Variants in BICRAL observed in about 807,000 individuals in gnomAD.
BICRAL encodes the protein BRD4-interacting chromatin-remodeling complex-associated protein-like.
Under a neutral mutation model 91.8 loss-of-function variants are expected in BICRAL, and 8 were observed. The observed-to-expected ratio is 0.09, with a 90% CI of 0.05 to 0.16. The LOEUF (loss-of-function observed/expected upper bound fraction) is 0.16. BICRAL is among the 10% of genes least tolerant of loss of function. The pLI, the probability that BICRAL is intolerant of heterozygous loss-of-function variation, is 1.00. For missense variants in BICRAL, 1,038 were observed against 1,310.9 expected (o/e 0.79, Z 3.21); for synonymous variants, 445 against 491.1 (o/e 0.91, Z 1.24).
In BICRAL at chr6:42,829,924, G is replaced by T. The variant is rs975181800; in HGVS notation, c.1591G>T (p.Val531Leu). 23 of 1,614,102 alleles carry T rather than the reference G, an allele frequency of 1.4e-5. No homozygotes were observed. Among genetic ancestry groups the T allele is most frequent in the Admixed American group, 3.3e-5 (2 of 60,002 alleles). Residue 531 changes from valine (V) to leucine (L), a missense_variant, in exon 6 of 13, where the codon GTG becomes TTG. By Grantham distance (32) the Val-to-Leu change is conservative. Around this residue, in one of 5 missense-constraint regions of BICRAL, gnomAD observed 532 missense variants for 724.9 expected, o/e 0.73. Coordinates refer to ENST00000314073, the MANE Select transcript of BICRAL (RefSeq NM_001393499.1). ...GRPGFATMPSVTSMSGPSRFP... is the reference protein window; with the variant it reads ...GRPGFATMPSLTSMSGPSRFP... Reference sequence around the variant, plus strand: ...ACCTGGCTTCGCCACCATGCCATCGGTGACAAGCATGTCAGGACCTAGTCG... The same window carrying T: ...ACCTGGCTTCGCCACCATGCCATCGTTGACAAGCATGTCAGGACCTAGTCG...
chr6:42,852,330 T>C (rs749852896), intron 7 of BICRAL, 133 bp downstream of exon 7: 1 of 717,490 alleles, frequency 1.4e-6, no homozygotes, highest in Non-Finnish European at 2.6e-6. Context: ...TCTTTCTGTA[T>C]CCTTTCCGCA....
At chr6:42,766,488 A>G (rs1669571541) in intron 1 of BICRAL, among the ~76,000 whole-genome samples, 1 of 152,170 alleles carries the variant, frequency 6.6e-6, no homozygotes, top group African/African-American at 2.4e-5. Flanking sequence ...CCATTCTCTA[A>G]TATTTGTTCA....
intron 2 of BICRAL, among the ~76,000 whole-genome samples, chr6:42,811,586 A>C (rs1163799067): frequency 6.7e-6 from 1 of 150,042 alleles, no homozygotes; most frequent in African/African-American, 2.5e-5. Context: ...GCGCCACTGC[A>C]CTCCAGCCTG....
intron 8 of BICRAL, among the ~76,000 whole-genome samples, chr6:42,854,466 G>A (rs1765284429): frequency 6.6e-6 from 1 of 151,862 alleles, no homozygotes; most frequent in African/African-American, 2.4e-5. Flanking sequence ...TTACAGGTGT[G>A]AGCCACTGTG....
chr6:42,747,805 G>GTT (rs56209754), intron 1 of BICRAL, among the ~76,000 whole-genome samples: 3,522 of 125,186 alleles, frequency 0.028, 85 homozygotes, highest in South Asian at 0.045. Flanking sequence ...GTTTTATTTT[G>GTT]TTTTTTTTTT....
At chr6:42,799,011 G>T (rs1763493355) in intron 1 of BICRAL, among the ~76,000 whole-genome samples, 1 of 151,954 alleles carries the variant, frequency 6.6e-6, no homozygotes, top group African/African-American at 2.4e-5. Context: ...TTAAATCTGG[G>T]GGTGCAGAAC....
chr6:42,831,560 A>C (rs1357113609), intron 6 of BICRAL, among the ~76,000 whole-genome samples: 1 of 152,166 alleles, frequency 6.6e-6, no homozygotes, highest in Non-Finnish European at 1.5e-5. Flanking sequence ...CGACGGCTCC[A>C]TCATTTGGTT....
intron 6 of BICRAL, among the ~76,000 whole-genome samples, chr6:42,841,746 G>T (rs1194138081): frequency 6.6e-6 from 1 of 152,122 alleles, no homozygotes; most frequent in Non-Finnish European, 1.5e-5. Context: ...TACTAACGAG[G>T]ACAGTGCTGG....
chr6:42,852,681 C>T (rs1582874191), intron 7 of BICRAL, among the ~76,000 whole-genome samples: 1 of 148,594 alleles, frequency 6.7e-6, no homozygotes, highest in East Asian at 2.0e-4. Flanking sequence ...AAAAAAAAAC[C>T]CCACTAAGAT....
At chr6:42,831,551 G>C (rs950734912) in intron 6 of BICRAL, among the ~76,000 whole-genome samples, 2 of 152,010 alleles carry the variant, frequency 1.3e-5, no homozygotes, top group African/African-American at 4.8e-5. Context: ...CTGATCCTTC[G>C]ACGGCTCCAT....
chr6:42,840,534 C>A (rs924722205), intron 6 of BICRAL, among the ~76,000 whole-genome samples: 1 of 148,596 alleles, frequency 6.7e-6, no homozygotes, highest in Non-Finnish European at 1.5e-5. Context: ...AGCCACCGCA[C>A]CCTGCCTGTT....
intron 5 of BICRAL, among the ~76,000 whole-genome samples, chr6:42,826,462 G>A (rs1228898757): frequency 1.3e-5 from 2 of 151,520 alleles, no homozygotes; most frequent in Non-Finnish European, 1.5e-5. Context: ...CTTGAACTCC[G>A]GACCTCAGGT....
At position 42,830,114 on chromosome 6, in the gene BICRAL, C is replaced by T. The variant is rs149171648; in HGVS notation, c.1781C>T (p.Ser594Phe). The T allele has an allele frequency of 4.3e-6, 7 of 1,613,906 alleles. No individual in the cohort carries two copies. Among genetic ancestry groups the T allele is most frequent in the Non-Finnish European group, 5.9e-6 (7 of 1,179,874 alleles). Residue 594 changes from serine to phenylalanine, a missense_variant, in exon 6 of 13, where the codon TCT becomes TTT. Ser to Phe is a radical substitution (Grantham distance 155, BLOSUM62 -2). This residue lies in a region of BICRAL where 532 missense variants were observed against 724.9 expected (regional missense o/e 0.73). Transcript: ENST00000314073. Reference sequence around the variant, plus strand: ...CGTCTTCCAGTTTCTTCTTCCAAGTCTACCAGCACCTTCAGTAACACACCT... The same window carrying T: ...CGTCTTCCAGTTTCTTCTTCCAAGTTTACCAGCACCTTCAGTAACACACCT... Reference protein sequence around the residue: ...SHRLPVSSSKSTSTFSNTPGT... With the variant: ...SHRLPVSSSKFTSTFSNTPGT...
At chr6:42,832,364 A>G (rs1764507795) in intron 6 of BICRAL, among the ~76,000 whole-genome samples, 1 of 147,226 alleles carries the variant, frequency 6.8e-6, no homozygotes, top group Admixed American at 6.9e-5. Flanking sequence ...AAAAGTATAT[A>G]TATTATATAT....
intron 1 of BICRAL, among the ~76,000 whole-genome samples, chr6:42,759,336 T>C (rs1220992380): frequency 6.6e-6 from 1 of 152,230 alleles, no homozygotes; most frequent in East Asian, 1.9e-4. Flanking sequence ...TTTTTCCTTT[T>C]TTCCCCCTTT....
At position 42,862,542 on chromosome 6, in the gene BICRAL, C is replaced by T. The variant is rs752257591; in HGVS notation, c.2382C>T (p.Ile794=). The change falls in exon 12 of 13, where the codon ATC becomes ATT. Residue 794 remains isoleucine (I), a synonymous_variant. Coordinates refer to ENST00000314073, the MANE Select transcript of BICRAL (RefSeq NM_001393499.1). ...RINPSAEMVM[I]DRMFNQEERA... ...ATCCCTCTGCTGAGATGGTGATGAT[C>T]GATAGGATGTTCAACCAGGAGGAAA... 16 of 1,610,730 alleles carry T rather than the reference C, an allele frequency of 9.9e-6. No individual in the cohort carries two copies. The highest frequency in any genetic ancestry group is 5.3e-5 in the African/African-American group (4 of 74,834).
chr6:42,863,523 A>T (rs1418104909), intron 12 of BICRAL, among the ~76,000 whole-genome samples: 4 of 152,072 alleles, frequency 2.6e-5, no homozygotes, highest in African/African-American at 9.7e-5. Flanking sequence ...GTCTAAAGGG[A>T]TTGAAGTGCT....
At chr6:42,774,070 A>C (rs1257746525) in intron 1 of BICRAL, among the ~76,000 whole-genome samples, 2 of 152,202 alleles carry the variant, frequency 1.3e-5, no homozygotes, top group Non-Finnish European at 2.9e-5. Context: ...GAGGAGAACT[A>C]AGGCAATTCT....
chr6:42,793,795 G>T (rs569734422), intron 1 of BICRAL, among the ~76,000 whole-genome samples: 63 of 140,050 alleles, frequency 4.5e-4, no homozygotes, highest in Non-Finnish European at 8.8e-4. Flanking sequence ...TTGAGACAGG[G>T]TCTTGCTCTG....
Sources: gnomAD v4.1 joint callset for allele counts (sites outside exome capture counted in the v4.1 genomes callset) on GRCh38, gnomAD v4.1.1 for gene constraint, gnomAD v4.1.1 regional missense constraint, MANE v1.5 for transcripts, NCBI Gene and HGNC (gene_info 2026-07-23, HGNC 2026-07-21) for gene names.